CSMD3: variants seen among roughly 807,000 people sequenced by gnomAD.
The protein encoded by CSMD3 is CUB and Sushi multiple domains 3.
Under a neutral mutation model 435.2 loss-of-function variants are expected in CSMD3, and 177 were observed. The ratio of observed to expected loss-of-function variants is 0.41; its 90% confidence interval spans 0.36 to 0.46. CSMD3 has a LOEUF of 0.46. Ranked by LOEUF, CSMD3 falls within the 20% of genes least tolerant of loss-of-function variation. CSMD3 has a pLI of 0.34. For missense variants in CSMD3, 4,265 were observed against 4,504.6 expected (o/e 0.95, Z 1.52); for synonymous variants, 1,656 against 1,520.5 (o/e 1.09, Z -2.07).
intron 45 of CSMD3, among the ~76,000 whole-genome samples, chr8:112,331,030 T>C (rs898953203): frequency 6.6e-6 from 1 of 152,040 alleles, no homozygotes; most frequent in Non-Finnish European, 1.5e-5. Context: ...AAAATGAAGA[T>C]AATAATACTT....
intron 10 of CSMD3, among the ~76,000 whole-genome samples, chr8:112,919,006 G>A (rs1039394659): frequency 1.3e-5 from 2 of 151,890 alleles, no homozygotes; most frequent in African/African-American, 2.4e-5. Context: ...ATTTCAGCAT[G>A]TTCCCTCCAT....
chr8:113,251,335 A>G (rs2093333244), intron 3 of CSMD3, among the ~76,000 whole-genome samples: 3 of 152,138 alleles, frequency 2.0e-5, no homozygotes, highest in Admixed American at 2.0e-4. Flanking sequence ...TTAATGCTCT[A>G]GGCCTCTGTT....
At chr8:112,701,186 C>A (rs918942795) in intron 13 of CSMD3, among the ~76,000 whole-genome samples, 1 of 152,098 alleles carries the variant, frequency 6.6e-6, no homozygotes, top group East Asian at 1.9e-4. Flanking sequence ...TGACGACTGG[C>A]AAACAAATTG....
At chr8:112,577,602 A>T (rs1830044502) in intron 23 of CSMD3, among the ~76,000 whole-genome samples, 1 of 152,098 alleles carries the variant, frequency 6.6e-6, no homozygotes, top group Non-Finnish European at 1.5e-5. Flanking sequence ...TATAATGTTA[A>T]TGAAATTCTT....
At chr8:113,210,897 T>C (rs952190641) in intron 3 of CSMD3, among the ~76,000 whole-genome samples, 13 of 151,542 alleles carry the variant, frequency 8.6e-5, no homozygotes, top group African/African-American at 2.9e-4. Flanking sequence ...AAAAGAATCT[T>C]AGAAAGGTTG....
intron 69 of CSMD3, 93 bp downstream of exon 69, chr8:112,231,452 G>GT: frequency 1.2e-6 from 1 of 826,320 alleles, no homozygotes; most frequent in Non-Finnish European, 2.1e-6. Flanking sequence ...TTATAATGCA[G>GT]TAAGTGTACC....
At chr8:112,430,168 T>C (rs1443972827) in intron 32 of CSMD3, among the ~76,000 whole-genome samples, 1 of 152,030 alleles carries the variant, frequency 6.6e-6, no homozygotes, top group African/African-American at 2.4e-5. Context: ...TACAACCAGT[T>C]TTCTAACTCC....
intron 4 of CSMD3, among the ~76,000 whole-genome samples, chr8:113,138,587 AT>A (rs1433746995): frequency 6.6e-6 from 1 of 151,404 alleles, no homozygotes; most frequent in Non-Finnish European, 1.5e-5. Context: ...TGCAAATACA[AT>A]TATAAGCTAT....
At chr8:112,666,514 C>G (rs1586925710) in intron 16 of CSMD3, 99 bp from the exon 17 acceptor site, 1 of 1,015,744 alleles carries the variant, frequency 9.8e-7, no homozygotes, top group Non-Finnish European at 1.5e-6. Context: ...CTCTGCATAT[C>G]CTTATTAAAT....
intron 3 of CSMD3, among the ~76,000 whole-genome samples, chr8:113,216,824 G>A (rs1380281899): frequency 6.6e-6 from 1 of 151,786 alleles, no homozygotes; most frequent in Non-Finnish European, 1.5e-5. Flanking sequence ...ACAGGGTACT[G>A]AAAAGAAGAG....
At chr8:112,786,472 A>T (rs1380420466) in intron 13 of CSMD3, among the ~76,000 whole-genome samples, 1 of 152,134 alleles carries the variant, frequency 6.6e-6, no homozygotes, top group Admixed American at 6.6e-5. Flanking sequence ...GGCAGGGTGA[A>T]GAGAAAACAC....
chr8:112,755,361 T>TAAC (rs1335848162), intron 13 of CSMD3, among the ~76,000 whole-genome samples: 1 of 148,416 alleles, frequency 6.7e-6, no homozygotes, highest in Non-Finnish European at 1.5e-5. Context: ...ATAATAATAA[T>TAAC]AATAATAATA....
At chr8:113,109,042 G>A (rs1364303933) in intron 4 of CSMD3, among the ~76,000 whole-genome samples, 1 of 152,118 alleles carries the variant, frequency 6.6e-6, no homozygotes, top group Non-Finnish European at 1.5e-5. Context: ...TTATACAGCT[G>A]CCATAATCAA....
chr8:112,706,978 A>C (rs1423728982), intron 13 of CSMD3, among the ~76,000 whole-genome samples: 1 of 152,102 alleles, frequency 6.6e-6, no homozygotes, highest in Non-Finnish European at 1.5e-5. Context: ...TCTCTGAAGT[A>C]CCTTGAATGA....
chr8:113,153,122 A>AGAAGGAAGGAAGGAAGGAAGG (rs1491549612), intron 4 of CSMD3, among the ~76,000 whole-genome samples: 2 of 103,002 alleles, frequency 1.9e-5, no homozygotes, highest in East Asian at 5.6e-4. Flanking sequence ...AGAAAGAAAG[A>AGAAGGAAGGAAGGAAGGAAGG]AAGAGAAAGA....
At chr8:113,356,658 A>T (rs1438316655) in intron 1 of CSMD3, among the ~76,000 whole-genome samples, 1 of 152,190 alleles carries the variant, frequency 6.6e-6, no homozygotes, top group Non-Finnish European at 1.5e-5. Flanking sequence ...TGTCAAAAAA[A>T]TAGAAAGCAT....
intron 4 of CSMD3, among the ~76,000 whole-genome samples, chr8:113,105,354 C>T (rs567434331): frequency 2.0e-5 from 3 of 152,118 alleles, no homozygotes; most frequent in Admixed American, 2.0e-4. Context: ...ACAAGTAGAG[C>T]ATAGTGTTTC....
rs556968699 is a variant in CSMD3 at position 112,427,432 on chromosome 8, C to G, written c.5396-18400G>C. 3.9e-5 allele frequency among the ~76,000 whole-genome samples: 6 copies of G among 152,250 alleles called. No homozygotes were observed. The East Asian group carries it at 9.7e-4, about 25-fold the overall frequency. On this transcript the variant is annotated intron_variant, in intron 32 of 70. Transcript: ENST00000297405. The stretch of plus-strand genomic sequence containing the variant: ...TTTTCATAAGGGGTTTACTGCCCCT[C>G]TCCTTCACACTGCATTTCTCCTATG...
intron 22 of CSMD3, among the ~76,000 whole-genome samples, chr8:112,598,463 A>C (rs1831976968): frequency 6.7e-6 from 1 of 148,562 alleles, no homozygotes; most frequent in Non-Finnish European, 1.5e-5. Flanking sequence ...TTACAGATTC[A>C]ATGCCATCCC....
Sources: gnomAD v4.1 joint callset for allele counts (sites outside exome capture counted in the v4.1 genomes callset) on GRCh38, gnomAD v4.1.1 for gene constraint, MANE v1.5 for transcripts, NCBI Gene and HGNC (gene_info 2026-07-23, HGNC 2026-07-21) for gene names.